ANKRD44: variants seen among roughly 807,000 people sequenced by gnomAD.
The protein encoded by ANKRD44 is serine/threonine-protein phosphatase 6 regulatory ankyrin repeat subunit B.
In ANKRD44, 35 loss-of-function variants were observed where a neutral mutation model predicts 116.0. The ratio of observed to expected loss-of-function variants is 0.30; its 90% CI spans 0.23 to 0.40. The LOEUF (loss-of-function observed/expected upper bound fraction) is 0.40, where lower values mean the gene tolerates loss of function less well. Among genes scored for constraint, ANKRD44 ranks in the 10% least tolerant of loss-of-function variants. ANKRD44 has a pLI of 1.00. For synonymous variants in ANKRD44, 435 were observed against 461.8 expected, an observed-to-expected ratio of 0.94 and a Z score of 0.74; for missense variants, 1,014 against 1,242.6, an observed-to-expected ratio of 0.82 and a Z score of 2.77.
At chr2:197,211,841 C>T (rs989444719) in intron 1 of ANKRD44, among the ~76,000 whole-genome samples, 1 of 151,686 alleles carries the variant, frequency 6.6e-6, no homozygotes, top group Admixed American at 6.6e-5. Flanking sequence ...AAGCAGGAGA[C>T]GACGCAGCAC....
At chr2:196,972,118 G>A (rs1299625999) in intron 21 of ANKRD44, among the ~76,000 whole-genome samples, 1 of 152,170 alleles carries the variant, frequency 6.6e-6, no homozygotes, top group African/African-American at 2.4e-5. Context: ...GGAGTAGGAA[G>A]ACAATGAGGG....
chr2:197,144,845 C>T (rs2079456628), intron 3 of ANKRD44, among the ~76,000 whole-genome samples: 1 of 152,176 alleles, frequency 6.6e-6, no homozygotes, highest in Admixed American at 6.5e-5. Context: ...AAAAAAGAGA[C>T]TGGTTGACTT....
chr2:197,143,250 G>A (rs1213318637), intron 3 of ANKRD44, among the ~76,000 whole-genome samples: 2 of 149,138 alleles, frequency 1.3e-5, no homozygotes, highest in African/African-American at 4.9e-5. Context: ...TGCACAATGT[G>A]CAGGTTAGTT....
chr2:197,000,310 C>T (rs1459042435), intron 23 of ANKRD44, 109 bp downstream of exon 23: 5 of 834,378 alleles, frequency 6.0e-6, no homozygotes, highest in Non-Finnish European at 9.6e-6. Context: ...AAAAACCATG[C>T]TTATCCATTA....
chr2:197,265,257 G>A (rs1000638836), intron 1 of ANKRD44, among the ~76,000 whole-genome samples: 1 of 150,430 alleles, frequency 6.6e-6, no homozygotes. Flanking sequence ...TGGTGGGGAG[G>A]GGGTGGGGAG....
chr2:196,993,865 T>C lies in ANKRD44; in HGVS notation c.2832-191A>G, dbSNP rs191201586. ...CTAATGGTCCAACTGTTGTTGTATG[T>C]TTGGCCCAGATCTTGCTGCAGATAT... On this transcript the variant is annotated intron_variant, in intron 26 of 27. Transcript: ENST00000282272. Among the ~76,000 whole-genome samples the C allele has an allele frequency of 3.3e-5, 5 of 152,360 alleles. No individual in the cohort carries two copies. The East Asian group carries it at 9.6e-4, about 29-fold the overall frequency.
chr2:196,988,332 G>A lies in ANKRD44; in HGVS notation c.*1259C>T. 6.1e-6 allele frequency: 6 copies of A among 985,312 alleles called. No individual in the cohort carries two copies. The highest frequency in any genetic ancestry group is 7.2e-6 in the Non-Finnish European group (6 of 829,906). The allele number at this position is 985,312 out of a possible 1,614,324, so 61.0% of individuals were successfully genotyped here. ...TTTTCAGTGTTTTGGTAAAGATAAG[G>A]TCATTATTGCTCATTAGCAATTTAT... On this transcript the variant is annotated 3_prime_UTR_variant, in exon 28 of 28. Transcript: ENST00000282272.
At chr2:197,020,002 G>T (rs1050511256) in intron 17 of ANKRD44, among the ~76,000 whole-genome samples, 1 of 152,048 alleles carries the variant, frequency 6.6e-6, no homozygotes, top group Non-Finnish European at 1.5e-5. Flanking sequence ...TTTTAGTAGA[G>T]ATGGGGTTTC....
chr2:197,219,985 C>T (rs1027878962), intron 1 of ANKRD44, among the ~76,000 whole-genome samples: 1 of 152,096 alleles, frequency 6.6e-6, no homozygotes, highest in African/African-American at 2.4e-5. Context: ...TCATATTAAC[C>T]TTACATATAA....
rs1053212688 is a variant in ANKRD44, at chr2:197,015,193, T to C, written c.1723-1481A>G. On this transcript the variant is annotated intron_variant, in intron 17 of 27. Transcript: ENST00000282272. The stretch of plus-strand genomic sequence containing the variant: ...CTTGACCACATAGCATTGATGAGCA[T>C]GTAGAGGAACCAGAGAGCTGTTTCT... 4.6e-5 allele frequency: 14 copies of C among 302,848 alleles called. No homozygotes were observed. The South Asian group carries it at 4.6e-4, about 10-fold the overall frequency. The allele number at this position is 302,848 out of a possible 1,614,324, so 18.8% of individuals were successfully genotyped here.
intron 8 of ANKRD44, among the ~76,000 whole-genome samples, chr2:197,114,817 C>A (rs1471782772): frequency 6.6e-6 from 1 of 152,170 alleles, no homozygotes; most frequent in Non-Finnish European, 1.5e-5. Context: ...CTTCCTAATT[C>A]AATGCAAGAG....
At chr2:197,138,810 T>C (rs2079284552) in intron 3 of ANKRD44, among the ~76,000 whole-genome samples, 2 of 152,182 alleles carry the variant, frequency 1.3e-5, no homozygotes, top group African/African-American at 4.8e-5. Context: ...TATGCAGTCC[T>C]AGAGAGCTGG....
chr2:196,997,758 T>C (rs2076039867), intron 25 of ANKRD44, among the ~76,000 whole-genome samples: 1 of 151,932 alleles, frequency 6.6e-6, no homozygotes, highest in Non-Finnish European at 1.5e-5. Flanking sequence ...CTAAAATTTA[T>C]CTTTTATGGA....
chr2:197,207,397 T>G (rs1431585049), intron 1 of ANKRD44, among the ~76,000 whole-genome samples: 1 of 152,258 alleles, frequency 6.6e-6, no homozygotes, highest in Non-Finnish European at 1.5e-5. Flanking sequence ...ATTAAACAGC[T>G]GTGCCTGCGG....
At chr2:197,067,027 C>A (rs1160166448) in intron 16 of ANKRD44, among the ~76,000 whole-genome samples, 6 of 152,318 alleles carry the variant, frequency 3.9e-5, no homozygotes, top group African/African-American at 1.4e-4. Context: ...TACCTGACTT[C>A]AAACTATACT....
intron 18 of ANKRD44, among the ~76,000 whole-genome samples, chr2:197,009,753 T>C (rs1468313419): frequency 6.6e-6 from 1 of 152,182 alleles, no homozygotes; most frequent in East Asian, 1.9e-4. Context: ...CAAGGTAGTT[T>C]CCAGGCAGAG....
chr2:197,110,394 G>A (rs2078537619), intron 9 of ANKRD44, among the ~76,000 whole-genome samples: 1 of 152,100 alleles, frequency 6.6e-6, no homozygotes, highest in African/African-American at 2.4e-5. Flanking sequence ...GGAAATTATA[G>A]TGAACTCTAA....
chr2:197,037,098 T>C (rs960736392), intron 16 of ANKRD44, among the ~76,000 whole-genome samples: 1 of 152,204 alleles, frequency 6.6e-6, no homozygotes, highest in African/African-American at 2.4e-5. Context: ...AAATAAAATA[T>C]ATGGATAAGG....
intron 26 of ANKRD44, 129 bp from the exon 27 acceptor site, chr2:196,993,803 T>C: frequency 2.9e-6 from 2 of 696,292 alleles, no homozygotes; most frequent in East Asian, 5.8e-5. Flanking sequence ...TGTTTTTACT[T>C]AAGAAAAAAA....
Sources: allele counts gnomAD v4.1 joint callset (sites outside exome capture counted in the v4.1 genomes callset), GRCh38; gene constraint gnomAD v4.1.1; transcripts MANE v1.5; gene names NCBI Gene and HGNC (gene_info 2026-07-23, HGNC 2026-07-21).